The following ANKRD11 variants were observed in gnomAD, a reference collection of about 807,000 sequenced individuals.
ANKRD11 encodes the protein ankyrin repeat domain-containing protein 11.
In ANKRD11, 17 loss-of-function variants were observed where a neutral mutation model predicts 195.7. The ratio of observed to expected loss-of-function variants is 0.09; its 90% CI spans 0.06 to 0.13. ANKRD11 has a LOEUF of 0.13. Ranked by LOEUF, ANKRD11 falls within the 10% of genes least tolerant of loss-of-function variation. The pLI is 1.00. For missense variants in ANKRD11, 3,735 were observed against 3,566.1 expected (o/e 1.05, Z -1.21); for synonymous variants, 1,953 against 1,528.1 (o/e 1.28, Z -6.49).
Position 89,280,999 on chromosome 16 carries a change from G to A in ANKRD11, c.5543C>T (p.Pro1848Leu), listed in dbSNP as rs1208038234. The A allele has an allele frequency of 6.3e-7, 1 of 1,581,272 alleles. No individual in the cohort carries two copies. Among genetic ancestry groups the A allele is most frequent in the South Asian group, 1.2e-5 (1 of 86,160 alleles). Residue 1848 changes from proline (P) to leucine (L), a missense_variant, in exon 9 of 13, where the codon CCA (proline) becomes CTA (leucine). Physicochemically the swap from Pro to Leu is moderately conservative, Grantham distance 98. Transcript: ENST00000301030. The part of the protein sequence containing the change: ...VPAEKFACLS[P>L]GYYSPDYGLP... ...GCCATAGTCTGGGGAGTAGTACCCT[G>A]GCGACAAGCAGGCAAACTTCTCCGC...
chr16:89,317,049 C>A lies in ANKRD11; in HGVS notation c.-30G>T. ...CTGCTCCTCACCCGATCTTCATTTA[C>A]ACGGCCGGCGCTTCATCATCAACCG... On this transcript the variant is annotated 5_prime_UTR_variant, in exon 3 of 13. Coordinates refer to ENST00000301030, the MANE Select transcript of ANKRD11 (RefSeq NM_013275.6). 1.2e-6 allele frequency: 2 copies of A among 1,603,358 alleles called. No individual in the cohort carries two copies. Among genetic ancestry groups the A allele is most frequent in the Non-Finnish European group, 1.7e-6 (2 of 1,174,606 alleles).
Position 89,352,291 on chromosome 16 carries a change from ATGCATC to A in ANKRD11, c.-59-35219_-59-35214del, listed in dbSNP as rs1362140954. On this transcript the variant is annotated intron_variant, in intron 2 of 12. Transcript: ENST00000301030. ...GGACTGGATCTCACAGTGGCCAGGT[ATGCATC>A]ACGCCACGCGGTGCAGAGCCCTGGG... Among the ~76,000 whole-genome samples, 23 of 152,072 alleles carry A rather than the reference ATGCATC, an allele frequency of 1.5e-4. No individual in the cohort carries two copies. In the East Asian group the frequency reaches 3.3e-3, roughly 22 times the overall value.
intron 2 of ANKRD11, among the ~76,000 whole-genome samples, chr16:89,389,986 G>A (rs112687771): frequency 3.8e-5 from 3 of 78,842 alleles, no homozygotes; most frequent in African/African-American, 6.0e-5. Context: ...AGTGTGGCGG[G>A]GAGCACCGAG....
At position 89,290,832 on chromosome 16, in the gene ANKRD11, C is replaced by T. The variant is rs773887615; in HGVS notation, c.398-4G>A. On this transcript the variant is annotated splice_polypyrimidine_tract_variant and splice_region_variant and intron_variant, in intron 5 of 12. Coordinates refer to ENST00000301030, the MANE Select transcript of ANKRD11 (RefSeq NM_013275.6). ...GGGTGCTTTGGTGTTGTGTCCACTGCAGGCCAAGGAGGGGACAGATGGGCA... is the reference window on the plus strand; with the variant it reads ...GGGTGCTTTGGTGTTGTGTCCACTGTAGGCCAAGGAGGGGACAGATGGGCA... The T allele has an allele frequency of 2.0e-5, 32 of 1,613,342 alleles. No homozygotes were observed. Among genetic ancestry groups the T allele is most frequent in the Non-Finnish European group, 2.4e-5 (28 of 1,180,004 alleles).
chr16:89,275,205 G>GT lies in ANKRD11; in HGVS notation c.7471-15dup, dbSNP rs1567545118. Reference sequence around the variant, plus strand: ...AGGGGGTGCGATCTACAGGCAAAAGGTGAGTGTGGGGGGTCAGCTGGGGCT... The same window carrying GT: ...AGGGGGTGCGATCTACAGGCAAAAGGTTGAGTGTGGGGGGTCAGCTGGGGCT... On this transcript the variant is annotated splice_polypyrimidine_tract_variant and intron_variant, in intron 9 of 12. Transcript: ENST00000301030. 2 of 1,596,598 alleles carry GT rather than the reference G, an allele frequency of 1.3e-6. No homozygotes were observed. Among genetic ancestry groups the GT allele is most frequent in the Non-Finnish European group, 8.5e-7 (1 of 1,171,400 alleles).
chr16:89,470,876 CCA>C (rs1179098488), intron 1 of ANKRD11, among the ~76,000 whole-genome samples: 3 of 152,026 alleles, frequency 2.0e-5, no homozygotes, highest in African/African-American at 7.3e-5. Context: ...ATTTGTAGTC[CCA>C]GTTACTCGGG....
At chr16:89,468,670 G>A (rs1023153376) in intron 1 of ANKRD11, among the ~76,000 whole-genome samples, 1 of 152,098 alleles carries the variant, frequency 6.6e-6, no homozygotes, top group Non-Finnish European at 1.5e-5. Context: ...TCGCGCCACT[G>A]CACTCCAGCC....
chr16:89,393,815 G>A (rs1445856463), intron 2 of ANKRD11, among the ~76,000 whole-genome samples: 1 of 152,182 alleles, frequency 6.6e-6, no homozygotes, highest in East Asian at 1.9e-4. Context: ...CAGGCTCTAA[G>A]TATTTAATGA....
chr16:89,381,614 T>C (rs972707691), intron 2 of ANKRD11, among the ~76,000 whole-genome samples: 1 of 152,182 alleles, frequency 6.6e-6, no homozygotes, highest in Non-Finnish European at 1.5e-5. Flanking sequence ...AGGAGAACGA[T>C]GAAAGCTGTC....
At chr16:89,384,695 T>A (rs904912726) in intron 2 of ANKRD11, among the ~76,000 whole-genome samples, 11 of 151,920 alleles carry the variant, frequency 7.2e-5, no homozygotes, top group Admixed American at 7.2e-4. Context: ...AGAATAGAAC[T>A]CAATTCTTCC....
chr16:89,330,772 C>A (rs972650358), intron 2 of ANKRD11, among the ~76,000 whole-genome samples: 1 of 151,460 alleles, frequency 6.6e-6, no homozygotes, highest in Non-Finnish European at 1.5e-5. Flanking sequence ...CAACCTCTAG[C>A]CCACACTCTG....
chr16:89,452,291 G>A (rs1001996246), intron 1 of ANKRD11, among the ~76,000 whole-genome samples: 2 of 151,858 alleles, frequency 1.3e-5, no homozygotes, highest in Admixed American at 6.6e-5. Flanking sequence ...TTGCAATTTA[G>A]AGACAGGAAT....
chr16:89,373,863 A>G (rs1357647032), intron 2 of ANKRD11, among the ~76,000 whole-genome samples: 1 of 152,216 alleles, frequency 6.6e-6, no homozygotes, highest in Non-Finnish European at 1.5e-5. Flanking sequence ...TAGAGCTGCT[A>G]TTAATTGCAC....
intron 2 of ANKRD11, among the ~76,000 whole-genome samples, chr16:89,386,767 T>C (rs2040930914): frequency 1.3e-5 from 2 of 152,200 alleles, no homozygotes; most frequent in Admixed American, 6.5e-5. Context: ...AAAATAGCAC[T>C]GTAGAATCCT....
At chr16:89,423,426 G>A (rs1017062621) in intron 1 of ANKRD11, among the ~76,000 whole-genome samples, 1 of 152,248 alleles carries the variant, frequency 6.6e-6, no homozygotes, top group African/African-American at 2.4e-5. Context: ...ACGGCCCGCA[G>A]TGCATTCCTT....
chr16:89,449,472 C>A (rs1022849748), intron 1 of ANKRD11, among the ~76,000 whole-genome samples: 2 of 152,052 alleles, frequency 1.3e-5, no homozygotes, highest in African/African-American at 4.8e-5. Context: ...TACCCACACA[C>A]CCCTTCCACA....
intron 2 of ANKRD11, among the ~76,000 whole-genome samples, chr16:89,381,354 A>AAAAAAAAAAG (rs1555560066): frequency 4.1e-4 from 51 of 125,328 alleles, no homozygotes; most frequent in African/African-American, 1.6e-3. Flanking sequence ...AAAAAAAAAA[A>AAAAAAAAAAG]GGGGTGAGAA....
chr16:89,377,183 G>A (rs895885821), intron 2 of ANKRD11, among the ~76,000 whole-genome samples: 16 of 152,258 alleles, frequency 1.1e-4, no homozygotes, highest in South Asian at 6.2e-4. Flanking sequence ...CAAACACAGC[G>A]TATCTAATTC....
chr16:89,429,150 AGAC>A (rs2042863856), intron 1 of ANKRD11, among the ~76,000 whole-genome samples: 1 of 147,706 alleles, frequency 6.8e-6, no homozygotes, highest in African/African-American at 2.5e-5. Context: ...TCTCGCGCTC[AGAC>A]GTTCTAGTAC....
Sources: allele counts gnomAD v4.1 joint callset (sites outside exome capture counted in the v4.1 genomes callset), GRCh38; gene constraint gnomAD v4.1.1; transcripts MANE v1.5; gene names NCBI Gene and HGNC (gene_info 2026-07-23, HGNC 2026-07-21).